Variants in COL6A5 observed in about 807,000 individuals in gnomAD.
COL6A5 encodes collagen type VI alpha 5 chain.
A neutral mutation model predicts 65.6 loss-of-function variants in COL6A5; 48 were observed. That is an observed-to-expected ratio of 0.73 (90% confidence interval 0.58 to 0.93). The LOEUF is 0.93. Among genes scored for constraint, COL6A5 ranks in the 40% least tolerant of loss-of-function variants. The pLI is 0.00. For synonymous variants in COL6A5, 291 were observed against 322.8 expected, an observed-to-expected ratio of 0.90 and a Z score of 1.05; for missense variants, 914 against 928.3, an observed-to-expected ratio of 0.98 and a Z score of 0.20.
exon 16 of COL6A5, chr3:130,406,138 A>G: frequency 6.5e-7 from 1 of 1,549,812 alleles, no homozygotes; most frequent in African/African-American, 1.4e-5. Flanking sequence ...CAGGGAGGTC[A>G]TGGAGACGAT....
chr3:130,462,983 T>C (rs554612006), intron 5 of COL6A5, among the ~76,000 whole-genome samples: 1 of 152,212 alleles, frequency 6.6e-6, no homozygotes, highest in South Asian at 2.1e-4. Context: ...CTTAGCCAAC[T>C]CATTCACCCT....
At chr3:130,392,363 A>G (rs190530067) in intron 7 of COL6A5, among the ~76,000 whole-genome samples, 1 of 152,306 alleles carries the variant, frequency 6.6e-6, no homozygotes, top group East Asian at 1.9e-4. Context: ...TGAGATGATT[A>G]CCAGCTACCA....
chr3:130,387,614 G>A lies in COL6A5; in HGVS notation c.1862-966G>A, dbSNP rs959868675. Reference sequence around the variant, plus strand: ...GGTGGATCAGAATGTGACCTTACACGTTTATTAAGTAATAGTTAACATCTT... The same window carrying A: ...GGTGGATCAGAATGTGACCTTACACATTTATTAAGTAATAGTTAACATCTT... On this transcript the variant is annotated intron_variant and NMD_transcript_variant, in intron 5 of 41. Coordinates refer to the COL6A5 transcript ENST00000312481. 5.3e-5 allele frequency among the ~76,000 whole-genome samples: 8 copies of A among 152,048 alleles called. No individual in the cohort carries two copies. The South Asian group carries it at 1.5e-3, about 28-fold the overall frequency.
At chr3:130,385,629 C>T (rs1936159393) in intron 5 of COL6A5, among the ~76,000 whole-genome samples, 1 of 151,950 alleles carries the variant, frequency 6.6e-6, no homozygotes, top group Non-Finnish European at 1.5e-5. Context: ...TGACAAAGCC[C>T]ACTGCTGTGG....
chr3:130,398,892 A>G (rs1577468929), intron 10 of COL6A5, among the ~76,000 whole-genome samples: 1 of 152,140 alleles, frequency 6.6e-6, no homozygotes, highest in East Asian at 1.9e-4. Context: ...CTCTCTCAAT[A>G]TAGACACCAC....
chr3:130,440,473 C>G, exon 3 of COL6A5: 1 of 1,613,692 alleles, frequency 6.2e-7, no homozygotes, highest in Non-Finnish European at 8.5e-7. Context: ...AGAATCACAT[C>G]CAGACTTCCT....
chr3:130,457,474 A>G (rs1043071122), intron 5 of COL6A5, among the ~76,000 whole-genome samples: 1 of 152,028 alleles, frequency 6.6e-6, no homozygotes. Context: ...GAGAATCAAG[A>G]TCTGTATAGT....
chr3:130,461,604 T>C (rs1401299005), intron 5 of COL6A5, among the ~76,000 whole-genome samples: 2 of 152,054 alleles, frequency 1.3e-5, no homozygotes, highest in Non-Finnish European at 2.9e-5. Flanking sequence ...ATGTATGCCA[T>C]GTTGCCTGGT....
intron 7 of COL6A5, among the ~76,000 whole-genome samples, chr3:130,474,582 C>A (rs1004528869): frequency 6.6e-6 from 1 of 151,964 alleles, no homozygotes; most frequent in Non-Finnish European, 1.5e-5. Context: ...GAAAGATAGA[C>A]ATTTTCAAGC....
At chr3:130,452,860 G>T (rs142388777) in intron 4 of COL6A5, among the ~76,000 whole-genome samples, 1 of 152,206 alleles carries the variant, frequency 6.6e-6, no homozygotes, top group Admixed American at 6.5e-5. Context: ...CATTTTAGAG[G>T]CCCACCCTCA....
chr3:130,353,156 C>G (rs1366729328), intron 1 of COL6A5, among the ~76,000 whole-genome samples: 1 of 152,132 alleles, frequency 6.6e-6, no homozygotes, highest in East Asian at 1.9e-4. Flanking sequence ...CCAGTTAAAA[C>G]TATAATGAGA....
intron 7 of COL6A5, among the ~76,000 whole-genome samples, chr3:130,393,257 A>G (rs1340880470): frequency 6.6e-6 from 1 of 151,630 alleles, no homozygotes; most frequent in Non-Finnish European, 1.5e-5. Context: ...TGTGCACACT[A>G]TCCTGCCCAC....
intron 7 of COL6A5, among the ~76,000 whole-genome samples, chr3:130,394,191 A>T (rs1382402599): frequency 6.6e-6 from 1 of 152,174 alleles, no homozygotes; most frequent in Admixed American, 6.5e-5. Context: ...CCAGCCATTC[A>T]CACTTCTTCT....
intron 25 of COL6A5, 140 bp downstream of exon 25, chr3:130,419,071 C>G: frequency 7.2e-6 from 5 of 690,042 alleles, no homozygotes; most frequent in Non-Finnish European, 1.3e-5. Context: ...GAACATTTCT[C>G]CCACCCCCTA....
chr3:130,432,313 G>A (rs995975211), intron 1 of COL6A5, among the ~76,000 whole-genome samples: 2 of 152,062 alleles, frequency 1.3e-5, no homozygotes, highest in Non-Finnish European at 2.9e-5. Flanking sequence ...CCAGAACTTC[G>A]GGAGGCCAAG....
intron 25 of COL6A5, 130 bp from the exon 26 acceptor site, chr3:130,421,023 A>G: frequency 1.3e-6 from 1 of 745,774 alleles, no homozygotes; most frequent in Middle Eastern, 3.9e-4. Context: ...CCAGGGTTCA[A>G]GGTCACCAAT....
rs6790871 is a variant in COL6A5 at position 130,347,756 on chromosome 3, C to G, written c.-29+1775C>G. Among the ~76,000 whole-genome samples the G allele has an allele frequency of 3.8e-3, 585 of 152,236 alleles. 2 individuals are homozygous for G. Among genetic ancestry groups the G allele is most frequent in the African/African-American group, 0.013 (536 of 41,538 alleles). On this transcript the variant is annotated intron_variant and NMD_transcript_variant, in intron 1 of 41. Coordinates refer to the COL6A5 transcript ENST00000312481. ...ATCCTCCAGCTCTGAGAGTGGAGGG[C>G]ACAAATTCACTTGGAATGTGTACTT... is the stretch of plus-strand genomic sequence containing the variant.
chr3:130,431,907 A>C, exon 1 of COL6A5: 1 of 1,551,330 alleles, frequency 6.4e-7, no homozygotes, highest in Non-Finnish European at 8.7e-7. Context: ...TCAGTCCAAC[A>C]GTCTTTGCTT....
intron 5 of COL6A5, among the ~76,000 whole-genome samples, chr3:130,388,279 G>T (rs1936268060): frequency 6.6e-6 from 1 of 152,040 alleles, no homozygotes; most frequent in Non-Finnish European, 1.5e-5. Context: ...ATGGCTGGAT[G>T]CCTGGCATTT....
Sources: gnomAD v4.1 joint callset for allele counts (sites outside exome capture counted in the v4.1 genomes callset) on GRCh38, gnomAD v4.1.1 for gene constraint, MANE v1.5 for transcripts, NCBI Gene and HGNC (gene_info 2026-07-23, HGNC 2026-07-21) for gene names.